Variants in TFB2M observed in about 807,000 individuals in gnomAD.
TFB2M encodes dimethyladenosine transferase 2, mitochondrial.
TFB2M carries 44 observed loss-of-function variants against 41.3 expected under a neutral mutation model. The ratio of observed to expected loss-of-function variants is 1.07; its 90% confidence interval spans 0.84 to 1.37. The LOEUF is 1.37. Ranked by LOEUF, TFB2M falls within the 40% of genes most tolerant of loss-of-function variation. The probability of loss-of-function intolerance (pLI) is 0.00; values close to 1 mark genes in which losing one functional copy is unlikely to be tolerated. For missense variants in TFB2M, 496 were observed against 490.2 expected (o/e 1.01, Z -0.11); for synonymous variants, 188 against 176.8 (o/e 1.06, Z -0.50).
intron 6 of TFB2M, among the ~76,000 whole-genome samples, chr1:246,545,210 G>C (rs1261220225): frequency 6.6e-6 from 1 of 152,190 alleles, no homozygotes; most frequent in Non-Finnish European, 1.5e-5. Context: ...CCTTGAGGGA[G>C]GAGATAACGT....
At chr1:246,548,431 C>G in intron 6 of TFB2M, 114 bp downstream of exon 6, 1 of 817,130 alleles carries the variant, frequency 1.2e-6, no homozygotes, top group Non-Finnish European at 1.8e-6. Context: ...AAGAATGTTT[C>G]TAGATATTTT....
At chr1:246,561,086 C>G (rs1659445106) in intron 2 of TFB2M, among the ~76,000 whole-genome samples, 1 of 152,182 alleles carries the variant, frequency 6.6e-6, no homozygotes, top group African/African-American at 2.4e-5. Flanking sequence ...ACTTTAAGTC[C>G]CTGACTTAGA....
At chr1:246,548,414 A>G in intron 6 of TFB2M, 131 bp downstream of exon 6, 1 of 682,922 alleles carries the variant, frequency 1.5e-6, no homozygotes, top group Non-Finnish European at 2.3e-6. Context: ...GTAGTAAGAT[A>G]TGTTTAAAGA....
chr1:246,554,006 T>C (rs537426938), intron 4 of TFB2M, among the ~76,000 whole-genome samples: 20 of 152,126 alleles, frequency 1.3e-4, no homozygotes, highest in African/African-American at 3.1e-4. Context: ...TTTAGATCAA[T>C]AGAATACAAT....
At chr1:246,557,628 A>C in intron 2 of TFB2M, 94 bp from the exon 3 acceptor site, 1 of 1,037,996 alleles carries the variant, frequency 9.6e-7, no homozygotes, top group Non-Finnish European at 1.3e-6. Flanking sequence ...ACCATAATAA[A>C]ATGTAAAAAT....
At position 246,558,164 on chromosome 1, in the gene TFB2M, T is replaced by TG. The variant is rs1254496318; in HGVS notation, c.403-631_403-630insC. The stretch of plus-strand genomic sequence containing the variant: ...TTTTTCTTTATCTGTTTACTTTTTT[T>TG]TTTTTTTTGAGACAAGCTGTCAACC... On this transcript the variant is annotated intron_variant, in intron 2 of 7. Coordinates refer to ENST00000366514, the MANE Select transcript of TFB2M (RefSeq NM_022366.3). Among the ~76,000 whole-genome samples the TG allele has an allele frequency of 5.2e-4, 78 of 150,006 alleles. 1 individual carries two copies. The highest frequency in any genetic ancestry group is 7.9e-4 in the Non-Finnish European group (53 of 67,268).
At chr1:246,557,967 C>T (rs1659367655) in intron 2 of TFB2M, among the ~76,000 whole-genome samples, 1 of 152,068 alleles carries the variant, frequency 6.6e-6, no homozygotes, top group Non-Finnish European at 1.5e-5. Context: ...CCACGCCCGG[C>T]TGAATTACCT....
intron 1 of TFB2M, among the ~76,000 whole-genome samples, chr1:246,564,898 T>G (rs1659570242): frequency 6.6e-6 from 1 of 152,198 alleles, no homozygotes; most frequent in Admixed American, 6.5e-5. Flanking sequence ...CAGGCTGGTC[T>G]GGAACTCCTG....
Position 246,540,959 on chromosome 1 carries a change from T to C in TFB2M, c.*72A>G, listed in dbSNP as rs904221194. The C allele has an allele frequency of 6.9e-5, 102 of 1,472,716 alleles. No homozygotes were observed. The highest frequency in any genetic ancestry group is 9.0e-5 in the Non-Finnish European group (98 of 1,087,966). The allele number at this position is 1,472,716 out of a possible 1,614,324, so 91.2% of individuals were successfully genotyped here. A position where few individuals can be genotyped will look rare whatever the true frequency, so the allele number is the denominator to read the frequency against. ...TTACCTTCTGCTGAAAGGATGTGAGTTTTCAAATTTGGTTTTCATGTCATA... is the reference window on the plus strand; with the variant it reads ...TTACCTTCTGCTGAAAGGATGTGAGCTTTCAAATTTGGTTTTCATGTCATA... On this transcript the variant is annotated 3_prime_UTR_variant, in exon 8 of 8. Transcript: ENST00000366514.
rs115300466 is a variant in TFB2M, at chr1:246,564,069, G to C, written c.402+277C>G. Reference sequence around the variant, plus strand: ...CAGCTTAGTAGAAATGGGGAAACAAGCCTAGGGATGCCAGTTATACGCTTT... The same window carrying C: ...CAGCTTAGTAGAAATGGGGAAACAACCCTAGGGATGCCAGTTATACGCTTT... On this transcript the variant is annotated intron_variant, in intron 2 of 7. Coordinates refer to ENST00000366514, the MANE Select transcript of TFB2M (RefSeq NM_022366.3). Among the ~76,000 whole-genome samples, 1,330 of 152,326 alleles carry C rather than the reference G, an allele frequency of 8.7e-3. 13 individuals are homozygous for C. Among genetic ancestry groups the C allele is most frequent in the Middle Eastern group, 0.02 (6 of 294 alleles).
intron 7 of TFB2M, among the ~76,000 whole-genome samples, chr1:246,541,477 CA>C (rs34538127): frequency 0.24 from 36,637 of 149,670 alleles, 4,860 homozygotes; most frequent in Middle Eastern, 0.44. Context: ...TCCATGAAAC[CA>C]AAAAAATCAC....
Position 246,548,566 on chromosome 1 carries a change from C to T in TFB2M, c.837G>A (p.Pro279=), listed in dbSNP as rs146116264. The T allele has an allele frequency of 1.3e-4, 217 of 1,613,034 alleles. No homozygotes were observed. The highest frequency in any genetic ancestry group is 1.6e-4 in the Non-Finnish European group (184 of 1,179,614). The change falls in exon 6 of 8, where the codon CCG becomes CCA. Residue 279 remains proline, a synonymous_variant. Coordinates refer to ENST00000366514, the MANE Select transcript of TFB2M (RefSeq NM_022366.3). ...TTACCCTACGCTTTGGGTTTTCCAG[C>T]GGCCCTTTCCGGGTGTATATATCAA... ...SSFDIYTRKG[P]LENPKRRELL...
intron 6 of TFB2M, among the ~76,000 whole-genome samples, 181 bp from the exon 7 acceptor site, chr1:246,544,862 A>G (rs565050857): frequency 1.2e-4 from 18 of 152,152 alleles, no homozygotes; most frequent in East Asian, 1.2e-3. Flanking sequence ...CTGGAGTACA[A>G]CGGCGTGATC....
rs747030187 is a variant in TFB2M at position 246,548,628 on chromosome 1, A to C, written c.796-21T>G. ...GGCTCCTGGGGAAGAAAAACAAAGC[A>C]AAACAACATCTTTTATTTCTCTTTG... is the stretch of plus-strand genomic sequence containing the variant. On this transcript the variant is annotated intron_variant, in intron 5 of 7. Transcript: ENST00000366514. 6 of 1,606,420 alleles carry C rather than the reference A, an allele frequency of 3.7e-6. No homozygotes were observed. In the Admixed American group the frequency reaches 1.0e-4, roughly 27 times the overall value.
chr1:246,543,592 G>A (rs1053717756), intron 7 of TFB2M, among the ~76,000 whole-genome samples: 4 of 151,948 alleles, frequency 2.6e-5, no homozygotes, highest in Non-Finnish European at 4.4e-5. Context: ...GCTCCCGCCT[G>A]TAACCCCAGC....
At chr1:246,547,354 T>C (rs1659049458) in intron 6 of TFB2M, among the ~76,000 whole-genome samples, 1 of 152,194 alleles carries the variant, frequency 6.6e-6, no homozygotes, top group Non-Finnish European at 1.5e-5. Flanking sequence ...AGAAAGTATA[T>C]TATATACAGG....
chr1:246,544,264 G>A (rs1223819796), intron 7 of TFB2M, among the ~76,000 whole-genome samples: 2 of 152,124 alleles, frequency 1.3e-5, no homozygotes. Flanking sequence ...ATAAAGCTAA[G>A]CCCATACTCT....
intron 1 of TFB2M, 31 bp downstream of exon 1, chr1:246,565,795 A>G (rs368184535): frequency 6.3e-7 from 1 of 1,583,160 alleles, no homozygotes; most frequent in East Asian, 2.3e-5. Context: ...AATGATGAAC[A>G]TCCAAGAAAA....
intron 1 of TFB2M, among the ~76,000 whole-genome samples, chr1:246,564,679 C>T (rs950427366): frequency 1.3e-5 from 2 of 150,796 alleles, no homozygotes; most frequent in Admixed American, 6.6e-5. Context: ...AAAACCTGCA[C>T]TCTTTTTTTT....
Sources: gnomAD v4.1 joint callset for allele counts (sites outside exome capture counted in the v4.1 genomes callset) on GRCh38, gnomAD v4.1.1 for gene constraint, MANE v1.5 for transcripts, NCBI Gene and HGNC (gene_info 2026-07-23, HGNC 2026-07-21) for gene names.